Variants in ESF1 observed in about 807,000 individuals in gnomAD.
The protein encoded by ESF1 is ESF1 nucleolar pre-rRNA processing protein.
In ESF1, 58 loss-of-function variants were observed where a neutral mutation model predicts 92.0. The ratio of observed to expected loss-of-function variants is 0.63; its 90% CI spans 0.51 to 0.78. The LOEUF (loss-of-function observed/expected upper bound fraction) is 0.78, where lower values mean the gene tolerates loss of function less well. Among genes scored for constraint, ESF1 ranks in the 30% least tolerant of loss-of-function variants. The pLI is 0.00. For missense variants in ESF1, 922 were observed against 989.1 expected, an observed-to-expected ratio of 0.93 and a Z score of 0.91; for synonymous variants, 321 against 313.7, an observed-to-expected ratio of 1.02 and a Z score of -0.24.
Position 13,772,535 on chromosome 20 carries a change from T to G in ESF1, c.1230A>C (p.Glu410Asp), listed in dbSNP as rs751228991. The change falls in exon 5 of 14, where the codon GAA becomes GAC. Residue 410 changes from glutamate to aspartate, a missense_variant. Transcript: ENST00000617257. ...AATACCAGTCTTTTTCTGGGGCATC[T>G]TCAGGAATACTTAATAGCTCTACTG... Reference protein sequence around the residue: ...QGPVELLSIPEDAPEKDWTSR... With the variant: ...QGPVELLSIPDDAPEKDWTSR... 5.0e-6 allele frequency: 8 copies of G among 1,612,036 alleles called. No homozygotes were observed. Among genetic ancestry groups the G allele is most frequent in the Middle Eastern group, 1.7e-4 (1 of 5,794 alleles).
At chr20:13,722,431 T>A (rs184791669) in intron 11 of ESF1, among the ~76,000 whole-genome samples, 8 of 152,342 alleles carry the variant, frequency 5.3e-5, no homozygotes, top group East Asian at 1.9e-4. Flanking sequence ...TATATTTTTT[T>A]AAAAAACATT....
chr20:13,748,704 A>T (rs1978448319), intron 9 of ESF1, among the ~76,000 whole-genome samples: 1 of 149,356 alleles, frequency 6.7e-6, no homozygotes, highest in Non-Finnish European at 1.5e-5. Flanking sequence ...CTGCTGCCTC[A>T]GCCTCCTGAG....
chr20:13,728,485 A>T lies in ESF1; in HGVS notation c.1951-20T>A. ...AAGAGCCTTAAAAGTTGAATATAAAAATACAAAATTTCATTATTACAAGAA... is the reference window on the plus strand; with the variant it reads ...AAGAGCCTTAAAAGTTGAATATAAATATACAAAATTTCATTATTACAAGAA... On this transcript the variant is annotated intron_variant, in intron 10 of 13. Transcript: ENST00000617257. 1 of 1,534,002 alleles carries T rather than the reference A, an allele frequency of 6.5e-7. No homozygotes were observed. The highest frequency in any genetic ancestry group is 8.9e-7 in the Non-Finnish European group (1 of 1,126,392).
At chr20:13,731,531 CAAAAAAAAA>C (rs35867169) in intron 10 of ESF1, among the ~76,000 whole-genome samples, 5 of 71,528 alleles carry the variant, frequency 7.0e-5, no homozygotes, top group African/African-American at 2.7e-4. Context: ...GACTCGGTCT[CAAAAAAAAA>C]AAAAAAAAAA....
At chr20:13,734,064 C>G (rs2049961147) in intron 9 of ESF1, among the ~76,000 whole-genome samples, 1 of 152,038 alleles carries the variant, frequency 6.6e-6, no homozygotes, top group Non-Finnish European at 1.5e-5. Context: ...CCTAACCAAA[C>G]AAAATCAAAA....
At chr20:13,781,189 A>C (rs530138812) in intron 2 of ESF1, among the ~76,000 whole-genome samples, 2 of 152,146 alleles carry the variant, frequency 1.3e-5, no homozygotes, top group African/African-American at 4.8e-5. Context: ...CTTTAGATCT[A>C]TATTGTCCAA....
At chr20:13,750,169 A>G (rs78802039) in intron 9 of ESF1, among the ~76,000 whole-genome samples, 1,794 of 152,254 alleles carry the variant, frequency 0.012, 42 homozygotes, top group African/African-American at 0.041. Flanking sequence ...CCAGAGTGAG[A>G]TTAAATTTTG....
At chr20:13,779,205 T>C (rs1980073721) in intron 2 of ESF1, among the ~76,000 whole-genome samples, 1 of 152,046 alleles carries the variant, frequency 6.6e-6, no homozygotes, top group South Asian at 2.1e-4. Context: ...ATCCAGCTAC[T>C]TCAAACAAAA....
chr20:13,743,869 T>C (rs1040371617), intron 9 of ESF1, among the ~76,000 whole-genome samples: 1 of 152,234 alleles, frequency 6.6e-6, no homozygotes, highest in Non-Finnish European at 1.5e-5. Context: ...TATTAAATCA[T>C]CACACTGTAT....
chr20:13,734,857 T>C (rs541363915), intron 9 of ESF1, among the ~76,000 whole-genome samples: 31 of 152,164 alleles, frequency 2.0e-4, no homozygotes, highest in Admixed American at 2.0e-4. Flanking sequence ...AATACAGTTC[T>C]CTTTTGTTGA....
chr20:13,747,878 C>A (rs943627480), intron 9 of ESF1, among the ~76,000 whole-genome samples: 1 of 152,148 alleles, frequency 6.6e-6, no homozygotes, highest in Non-Finnish European at 1.5e-5. Context: ...TAGCTTATTA[C>A]ACACCTAGGT....
At chr20:13,759,589 A>T (rs1006570055) in intron 9 of ESF1, 103 bp downstream of exon 9, 1 of 1,443,034 alleles carries the variant, frequency 6.9e-7, no homozygotes, top group Admixed American at 3.1e-5. Flanking sequence ...TGCAAATATG[A>T]TGTTAAGGTC....
intron 9 of ESF1, among the ~76,000 whole-genome samples, chr20:13,756,217 C>A (rs886968994): frequency 3.9e-5 from 6 of 152,154 alleles, no homozygotes; most frequent in Non-Finnish European, 8.8e-5. Context: ...AGAAAGATTG[C>A]TCAATGATCT....
intron 9 of ESF1, among the ~76,000 whole-genome samples, chr20:13,734,880 G>C (rs2049966484): frequency 6.6e-6 from 1 of 152,110 alleles, no homozygotes. Flanking sequence ...AGTATATACA[G>C]ACTGAGAACA....
chr20:13,758,128 A>G (rs1978985616), intron 9 of ESF1, among the ~76,000 whole-genome samples: 1 of 152,236 alleles, frequency 6.6e-6, no homozygotes, highest in Non-Finnish European at 1.5e-5. Context: ...TTCTAATAAT[A>G]TAGAGAATTC....
intron 10 of ESF1, among the ~76,000 whole-genome samples, chr20:13,730,479 A>G (rs973421549): frequency 5.5e-5 from 8 of 146,042 alleles, no homozygotes; most frequent in African/African-American, 2.1e-4. Context: ...CACCTCCCGG[A>G]TTCATGCCAT....
chr20:13,752,342 T>C lies in ESF1; in HGVS notation c.1828+7350A>G, dbSNP rs1013813783. ...CTTCGTACAAGTTACAAGAGTGCAC[T>C]GTGACCTGGTTTCCTCCCCACCACC... On this transcript the variant is annotated intron_variant, in intron 9 of 13. Transcript: ENST00000617257. Among the ~76,000 whole-genome samples, 4 of 152,338 alleles carry C rather than the reference T, an allele frequency of 2.6e-5. No homozygotes were observed. In the East Asian group the frequency reaches 7.7e-4, roughly 29 times the overall value.
At chr20:13,731,531 C>CAAA (rs35867169) in intron 10 of ESF1, among the ~76,000 whole-genome samples, 2 of 71,490 alleles carry the variant, frequency 2.8e-5, no homozygotes, top group African/African-American at 5.4e-5. Context: ...GACTCGGTCT[C>CAAA]AAAAAAAAAA....
At chr20:13,750,118 G>C in intron 9 of ESF1, among the ~76,000 whole-genome samples, 1 of 152,212 alleles carries the variant, frequency 6.6e-6, no homozygotes, top group East Asian at 1.9e-4. Flanking sequence ...CATTGAGAAA[G>C]GCTGCAAATC....
Sources: gnomAD v4.1 joint callset for allele counts (sites outside exome capture counted in the v4.1 genomes callset) on GRCh38, gnomAD v4.1.1 for gene constraint, MANE v1.5 for transcripts, NCBI Gene and HGNC (gene_info 2026-07-23, HGNC 2026-07-21) for gene names.